TGFBR3: variants seen among roughly 807,000 people sequenced by gnomAD.
The protein encoded by TGFBR3 is transforming growth factor beta receptor type 3.
TGFBR3 carries 46 observed loss-of-function variants against 87.9 expected under a neutral mutation model. The observed-to-expected ratio is 0.52, with a 90% confidence interval of 0.41 to 0.67. The LOEUF is 0.67. Ranked by LOEUF, TGFBR3 falls within the 30% of genes least tolerant of loss-of-function variation. The probability of loss-of-function intolerance (pLI) is 0.00; values close to 1 mark genes in which losing one functional copy is unlikely to be tolerated. For synonymous variants in TGFBR3, 381 were observed against 391.6 expected (o/e 0.97, Z 0.32); for missense variants, 866 against 1,041.9 (o/e 0.83, Z 2.32).
intron 16 of TGFBR3, among the ~76,000 whole-genome samples, chr1:91,688,224 G>A (rs1187163045): frequency 6.6e-6 from 1 of 152,196 alleles, no homozygotes; most frequent in African/African-American, 2.4e-5. Context: ...TATTCCTGCA[G>A]TGTGGCCAAC....
rs745527810 is a variant in TGFBR3 at position 91,682,368 on chromosome 1, T to G, written c.*1371A>C. ...TTTGCAATGAAGCTATCTTCAGCAG[T>G]AAAATAATTTAGCATGATAATTCCC... On this transcript the variant is annotated 3_prime_UTR_variant, in exon 17 of 17. Transcript: ENST00000212355. The G allele has an allele frequency of 2.7e-4, 122 of 450,928 alleles. No homozygotes were observed. Among genetic ancestry groups the G allele is most frequent in the Middle Eastern group, 6.9e-4 (1 of 1,452 alleles). 27.9% of individuals were successfully genotyped at this position (450,928 alleles called of 1,614,324 possible).
At chr1:91,887,262 T>TTTTTTTTTTTTTTTTTTTTG (rs1165045165), upstream of TGFBR3, among the ~76,000 whole-genome samples, 18 of 125,268 alleles carry the variant, frequency 1.4e-4, 2 homozygotes, top group African/African-American at 4.8e-4. Context: ...TTTTTTTTTT[T>TTTTTTTTTTTTTTTTTTTTG]TGAGATGGAG....
chr1:91,863,146 T>C (rs1048833094), intron 1 of TGFBR3, among the ~76,000 whole-genome samples: 1 of 152,206 alleles, frequency 6.6e-6, no homozygotes, highest in Non-Finnish European at 1.5e-5. Context: ...CTGGGTTTTG[T>C]ATTAATACCA....
chr1:91,811,120 G>A (rs1676016360), intron 2 of TGFBR3, among the ~76,000 whole-genome samples: 1 of 152,150 alleles, frequency 6.6e-6, no homozygotes, highest in Admixed American at 6.5e-5. Context: ...AGACCAGCCT[G>A]GGCAAGAGAG....
intron 4 of TGFBR3, among the ~76,000 whole-genome samples, chr1:91,742,116 G>A (rs948770082): frequency 6.6e-6 from 1 of 152,030 alleles, no homozygotes; most frequent in Non-Finnish European, 1.5e-5. Context: ...ATGGCAAACC[G>A]TTCTGTGTCC....
intron 3 of TGFBR3, among the ~76,000 whole-genome samples, chr1:91,769,719 C>T (rs1177892833): frequency 6.6e-6 from 1 of 151,816 alleles, no homozygotes; most frequent in Non-Finnish European, 1.5e-5. Flanking sequence ...TGACACAAAC[C>T]GATCACTCTC....
chr1:91,780,551 CTTTTTTTTTTTTT>C, intron 3 of TGFBR3, among the ~76,000 whole-genome samples: 1 of 77,168 alleles, frequency 1.3e-5, no homozygotes, highest in South Asian at 6.2e-4. Context: ...GGGTCTAAGG[CTTTTTTTTTTTTT>C]TTTTTTTTTT....
At chr1:91,756,072 C>T (rs1042908343) in intron 4 of TGFBR3, among the ~76,000 whole-genome samples, 1 of 152,124 alleles carries the variant, frequency 6.6e-6, no homozygotes. Context: ...ATTAATTTGC[C>T]CAAGGTCACT....
Position 91,683,300 on chromosome 1 carries a change from T to C in TGFBR3, c.*439A>G, listed in dbSNP as rs778627082. ...CTTGTTTTACATCTTGGTTCAGATA[T>C]AAAGAATCTTTGGCCGCATCTCCTC... is the stretch of plus-strand genomic sequence containing the variant. On this transcript the variant is annotated 3_prime_UTR_variant, in exon 17 of 17. Coordinates refer to ENST00000212355, the MANE Select transcript of TGFBR3 (RefSeq NM_003243.5). 2 of 458,964 alleles carry C rather than the reference T, an allele frequency of 4.4e-6. No homozygotes were observed. The highest frequency in any genetic ancestry group is 1.5e-5 in the South Asian group (1 of 64,518). The allele number at this position is 458,964 out of a possible 1,614,324, so 28.4% of individuals were successfully genotyped here. A position where few individuals can be genotyped will look rare whatever the true frequency, so the allele number is the denominator to read the frequency against.
Position 91,716,550 on chromosome 1 carries a change from C to A in TGFBR3, c.1707+18G>T. ...GACAGCATTTTCCACAAACCCCCTA[C>A]TGATAACAAACACATACCACCACGA... On this transcript the variant is annotated intron_variant, in intron 11 of 16. Transcript: ENST00000212355. The A allele has an allele frequency of 6.2e-7, 1 of 1,614,104 alleles. No homozygotes were observed. The highest frequency in any genetic ancestry group is 2.2e-5 in the East Asian group (1 of 44,884).
At chr1:91,717,702 C>A (rs9730289) in intron 10 of TGFBR3, among the ~76,000 whole-genome samples, 113,711 of 139,712 alleles carry the variant, frequency 0.81, 43,958 homozygotes, top group East Asian at 0.96. Context: ...AAAAAAAAAA[C>A]AAACTGCCTT....
At chr1:91,792,280 C>T (rs192691839) in intron 3 of TGFBR3, among the ~76,000 whole-genome samples, 134 of 152,224 alleles carry the variant, frequency 8.8e-4, no homozygotes, top group African/African-American at 3.2e-3. Flanking sequence ...ATCCCAAATC[C>T]TCTTTTGGAA....
chr1:91,794,774 A>C (rs1005789171), intron 3 of TGFBR3, among the ~76,000 whole-genome samples: 1 of 152,064 alleles, frequency 6.6e-6, no homozygotes, highest in African/African-American at 2.4e-5. Flanking sequence ...ACCATATTTT[A>C]TTTACCCATT....
intron 16 of TGFBR3, among the ~76,000 whole-genome samples, chr1:91,686,668 T>C (rs1255142245): frequency 1.3e-5 from 2 of 152,206 alleles, no homozygotes; most frequent in Admixed American, 1.3e-4. Flanking sequence ...AGGAAGAAAG[T>C]TGAATGTACA....
chr1:91,682,425 T>TTTTTTTA lies in TGFBR3; in HGVS notation c.*1313_*1314insTAAAAAA. 2.4e-6 allele frequency: 1 copy of TTTTTTTA among 421,116 alleles called. No individual in the cohort carries two copies. The allele number at this position is 421,116 out of a possible 1,614,324, so 26.1% of individuals were successfully genotyped here. A position where few individuals can be genotyped will look rare whatever the true frequency, so the allele number is the denominator to read the frequency against. On this transcript the variant is annotated 3_prime_UTR_variant, in exon 17 of 17. Coordinates refer to ENST00000212355, the MANE Select transcript of TGFBR3 (RefSeq NM_003243.5). Reference sequence around the variant, plus strand: ...CATTCTTTTTTTTTTTTTTTTTTTTTAACAAGGAGGTATCACTGAGCTTAT... The same window carrying TTTTTTTA: ...CATTCTTTTTTTTTTTTTTTTTTTTTTTTTTTAAACAAGGAGGTATCACTGAGCTTAT...
intron 2 of TGFBR3, among the ~76,000 whole-genome samples, chr1:91,838,254 C>G (rs1677129856): frequency 1.3e-5 from 2 of 151,984 alleles, no homozygotes. Flanking sequence ...ACTGAGGACT[C>G]CAAAGAGATT....
intron 2 of TGFBR3, among the ~76,000 whole-genome samples, chr1:91,840,353 T>C (rs1181321381): frequency 6.6e-6 from 1 of 151,826 alleles, no homozygotes; most frequent in African/African-American, 2.4e-5. Flanking sequence ...TTCTATCTTG[T>C]ACTCTCAAGA....
At chr1:91,842,743 C>T (rs552919421) in intron 2 of TGFBR3, among the ~76,000 whole-genome samples, 6 of 152,274 alleles carry the variant, frequency 3.9e-5, no homozygotes, top group African/African-American at 1.4e-4. Context: ...TTTTTGAAGA[C>T]CTAACTACTA....
chr1:91,735,309 T>C (rs111619312), intron 4 of TGFBR3, among the ~76,000 whole-genome samples: 49 of 152,350 alleles, frequency 3.2e-4, no homozygotes, highest in Middle Eastern at 3.4e-3. Context: ...GTGGGAAGCC[T>C]TGATGAATGT....
Sources: allele counts gnomAD v4.1 joint callset (sites outside exome capture counted in the v4.1 genomes callset), GRCh38; gene constraint gnomAD v4.1.1; transcripts MANE v1.5; gene names NCBI Gene and HGNC (gene_info 2026-07-23, HGNC 2026-07-21).